The following XKR9 variants were observed in gnomAD, a reference collection of about 807,000 sequenced individuals.
The protein encoded by XKR9 is XK related 9.
In XKR9, 32 loss-of-function variants were observed where a neutral mutation model predicts 32.0. The observed-to-expected ratio is 1.00, with a 90% confidence interval of 0.76 to 1.34. XKR9 has a LOEUF of 1.34. XKR9 is among the 40% of genes most tolerant of loss of function. XKR9 has a pLI of 0.00. For synonymous variants in XKR9, 168 were observed against 143.4 expected (o/e 1.17, Z -1.22); for missense variants, 546 against 429.7 (o/e 1.27, Z -2.39).
At chr8:70,740,636 G>A (rs1381108086), downstream of XKR9, among the ~76,000 whole-genome samples, 3 of 152,020 alleles carry the variant, frequency 2.0e-5, no homozygotes, top group African/African-American at 7.2e-5. Context: ...ATGTACAGAT[G>A]GGTTTTTGGT....
chr8:70,853,466 A>G, the XKR9 span, among the ~76,000 whole-genome samples: 2 of 151,954 alleles, frequency 1.3e-5, no homozygotes, highest in African/African-American at 4.8e-5. Context: ...CTAAACATCT[A>G]TACATCTACC....
intron 4 of XKR9, among the ~76,000 whole-genome samples, chr8:70,725,904 TCAA>T (rs1349381990): frequency 1.3e-5 from 2 of 152,018 alleles, no homozygotes; most frequent in Non-Finnish European, 2.9e-5. Context: ...AGACTCCATC[TCAA>T]CAACAACAAA....
At chr8:71,002,430 A>G in the XKR9 span, among the ~76,000 whole-genome samples, 3 of 151,332 alleles carry the variant, frequency 2.0e-5, no homozygotes, top group Non-Finnish European at 2.9e-5. Context: ...TTCTTTTAGT[A>G]TGTTCTGTCT....
the XKR9 span, among the ~76,000 whole-genome samples, chr8:71,042,025 G>A: frequency 6.6e-6 from 1 of 152,076 alleles, no homozygotes; most frequent in Non-Finnish European, 1.5e-5. Context: ...GGATGCCATA[G>A]CATTGGGAGG....
the XKR9 span, among the ~76,000 whole-genome samples, chr8:70,844,226 T>G: frequency 6.6e-6 from 1 of 152,226 alleles, no homozygotes; most frequent in Non-Finnish European, 1.5e-5. Flanking sequence ...CTGTTGCAGC[T>G]GAGGGCCAAA....
At chr8:71,038,847 C>T in the XKR9 span, among the ~76,000 whole-genome samples, 9 of 148,958 alleles carry the variant, frequency 6.0e-5, no homozygotes, top group African/African-American at 2.2e-4. Context: ...TACTGCCACC[C>T]AGGCTGGAGT....
the XKR9 span, among the ~76,000 whole-genome samples, chr8:70,864,886 T>TCTAAAG: frequency 4.2e-4 from 64 of 152,316 alleles, no homozygotes; most frequent in African/African-American, 1.5e-3. Context: ...CCCAGCACCA[T>TCTAAAG]GTTTTATCAA....
intron 2 of XKR9, among the ~76,000 whole-genome samples, chr8:70,758,975 ATTG>A (rs1807268105): frequency 6.6e-6 from 1 of 152,288 alleles, no homozygotes; most frequent in Non-Finnish European, 1.5e-5. Context: ...AGGTCTACCT[ATTG>A]TTCTGACGGG....
At chr8:70,937,730 A>G in the XKR9 span, among the ~76,000 whole-genome samples, 1 of 152,104 alleles carries the variant, frequency 6.6e-6, no homozygotes, top group Admixed American at 6.6e-5. Flanking sequence ...AATACCATAA[A>G]GTTAATAAGT....
chr8:71,055,029 A>G, the XKR9 span, among the ~76,000 whole-genome samples: 1 of 152,196 alleles, frequency 6.6e-6, no homozygotes, highest in Non-Finnish European at 1.5e-5. Flanking sequence ...TTTTTTCTCT[A>G]GACTTCAAGG....
chr8:70,891,460 G>A, the XKR9 span, among the ~76,000 whole-genome samples: 1 of 151,808 alleles, frequency 6.6e-6, no homozygotes, highest in Admixed American at 6.6e-5. Context: ...TGCCTTTGCT[G>A]TACCACATAG....
the XKR9 span, among the ~76,000 whole-genome samples, chr8:70,903,483 A>G: frequency 6.6e-6 from 1 of 152,040 alleles, no homozygotes; most frequent in African/African-American, 2.4e-5. Flanking sequence ...TGGTGGTGAT[A>G]TCCCCTTTAT....
At chr8:70,703,934 G>A (rs1805629870) in intron 3 of XKR9, among the ~76,000 whole-genome samples, 1 of 152,134 alleles carries the variant, frequency 6.6e-6, no homozygotes, top group Non-Finnish European at 1.5e-5. Flanking sequence ...TGTAATCCCA[G>A]CACTTTGGGA....
At chr8:70,809,952 A>G in the XKR9 span, among the ~76,000 whole-genome samples, 1 of 152,094 alleles carries the variant, frequency 6.6e-6, no homozygotes. Flanking sequence ...CCACAAAGAT[A>G]CTCCTCGAGA....
At chr8:70,727,266 A>G (rs1225946797) in intron 4 of XKR9, among the ~76,000 whole-genome samples, 3 of 151,772 alleles carry the variant, frequency 2.0e-5, no homozygotes, top group Non-Finnish European at 2.9e-5. Context: ...TAAAAAAGAT[A>G]TGGGGCAATT....
chr8:70,812,675 G>C, the XKR9 span, among the ~76,000 whole-genome samples: 1 of 151,930 alleles, frequency 6.6e-6, no homozygotes. Flanking sequence ...CAAATCATGA[G>C]TGAACTCCCA....
intron 2 of XKR9, among the ~76,000 whole-genome samples, chr8:70,676,920 C>G (rs1293917849): frequency 6.6e-6 from 1 of 152,064 alleles, no homozygotes; most frequent in East Asian, 1.9e-4. Flanking sequence ...AGGAAGCTCT[C>G]TTTATGGGTA....
At chr8:70,994,522 T>C in the XKR9 span, among the ~76,000 whole-genome samples, 1 of 152,158 alleles carries the variant, frequency 6.6e-6, no homozygotes, top group Non-Finnish European at 1.5e-5. Context: ...TTTTAACCTC[T>C]GGCTTCTTCC....
chr8:70,845,149 C>T, the XKR9 span, among the ~76,000 whole-genome samples: 2 of 152,194 alleles, frequency 1.3e-5, no homozygotes, highest in African/African-American at 4.8e-5. Flanking sequence ...GCAGCCTATA[C>T]CACTGAAGAA....
Sources: allele counts gnomAD v4.1 joint callset (sites outside exome capture counted in the v4.1 genomes callset), GRCh38; gene constraint gnomAD v4.1.1; transcripts MANE v1.5; gene names NCBI Gene and HGNC (gene_info 2026-07-23, HGNC 2026-07-21).